Variants in DMD observed in about 807,000 individuals in gnomAD.
The protein encoded by DMD is mutant dystrophin.
A neutral mutation model predicts 330.1 loss-of-function variants in DMD; 63 were observed. The observed-to-expected ratio is 0.19, with a 90% CI of 0.16 to 0.24. The LOEUF (loss-of-function observed/expected upper bound fraction) is 0.24, where lower values mean the gene tolerates loss of function less well. Ranked by LOEUF, DMD falls within the 10% of genes least tolerant of loss-of-function variation. DMD has a pLI of 1.00. For synonymous variants in DMD, 1,223 were observed against 959.8 expected (o/e 1.27, Z -5.07); for missense variants, 3,344 against 2,684.1 (o/e 1.25, Z -5.43).
At chrX:32,013,050 T>G (rs2095724836) in intron 44 of DMD, among the ~76,000 whole-genome samples, 1 of 108,112 alleles carries the variant, frequency 9.2e-6, no homozygotes, top group Admixed American at 1.0e-4. Flanking sequence ...CATGAAGCCT[T>G]CCTTGATTTA....
rs755369412 is a variant in DMD at position 32,407,457 on chromosome X, A to C, written c.4233+4295T>G. Among the ~76,000 whole-genome samples, 229 of 111,627 alleles carry C rather than the reference A, an allele frequency of 2.1e-3. 1 individual carries two copies. The highest frequency in any genetic ancestry group is 8.2e-3 in the East Asian group (29 of 3,520). Reference sequence around the variant, plus strand: ...CACACCAGTTAGAATGGCGATCATTAAAAAGTCAGGAAACAACAGGTGCTG... The same window carrying C: ...CACACCAGTTAGAATGGCGATCATTCAAAAGTCAGGAAACAACAGGTGCTG... On this transcript the variant is annotated intron_variant, in intron 30 of 78. Coordinates refer to ENST00000357033, the MANE Select transcript of DMD (RefSeq NM_004006.3).
intron 54 of DMD, among the ~76,000 whole-genome samples, chrX:31,638,577 T>C (rs970586652): frequency 1.8e-5 from 2 of 112,676 alleles, no homozygotes; most frequent in African/African-American, 3.2e-5. Flanking sequence ...ACGAAAGACT[T>C]TGTCAAATGC....
chrX:32,370,781 G>A (rs1453601801), intron 34 of DMD, among the ~76,000 whole-genome samples: 1 of 111,245 alleles, frequency 9.0e-6, no homozygotes, highest in Non-Finnish European at 1.9e-5. Flanking sequence ...TAAGAGGAAT[G>A]ATGAGTTGAG....
chrX:31,341,887 G>A (rs751997100), intron 61 of DMD, among the ~76,000 whole-genome samples: 1,371 of 67,247 alleles, frequency 0.02, 27 homozygotes, highest in African/African-American at 0.076. Flanking sequence ...GTGCGTGCGC[G>A]CGCGCACACA....
Position 31,152,868 on chromosome X carries a change from T to TG in DMD, c.10554-5351dup, listed in dbSNP as rs920056595. ...TTCACTTTTTGATGTTTAACTTGGG[T>TG]GGGGGGTGCTATCCCATTTCTTCAT... is the stretch of plus-strand genomic sequence containing the variant. On this transcript the variant is annotated intron_variant, in intron 74 of 78. Coordinates refer to ENST00000357033, the MANE Select transcript of DMD (RefSeq NM_004006.3). Among the ~76,000 whole-genome samples the TG allele has an allele frequency of 5.9e-5, 6 of 102,044 alleles. 1 individual carries two copies. The highest frequency in any genetic ancestry group is 1.7e-4 in the African/African-American group (5 of 28,627). The allele number at this position is 102,044 out of a possible 115,157, so 88.6% of individuals were successfully genotyped here.
chrX:31,735,244 T>A (rs979960229), intron 51 of DMD, among the ~76,000 whole-genome samples: 2 of 111,876 alleles, frequency 1.8e-5, no homozygotes, highest in Admixed American at 9.5e-5. Context: ...AGAGTCAGAA[T>A]TGCATCTTGA....
chrX:31,485,627 G>C lies in DMD; in HGVS notation c.8548-6524C>G, dbSNP rs1249767729. ...GGTGAGATATTGATTTGCTTCATGA[G>C]AGGAACAAGAGGAGAACTCTGGGCA... On this transcript the variant is annotated intron_variant, in intron 57 of 78. Transcript: ENST00000357033. 1.1e-4 allele frequency among the ~76,000 whole-genome samples: 12 copies of C among 111,566 alleles called. 1 individual carries two copies.
chrX:31,895,192 A>G (rs1301756643), intron 47 of DMD, among the ~76,000 whole-genome samples: 3 of 111,765 alleles, frequency 2.7e-5, no homozygotes, highest in African/African-American at 9.7e-5. Flanking sequence ...AAGAATGGAG[A>G]GACAGGAGGC....
chrX:31,753,363 GGAAGTAATAAGTTTAAAAAAT>G (rs2088764357), intron 51 of DMD, among the ~76,000 whole-genome samples: 2 of 111,786 alleles, frequency 1.8e-5, no homozygotes. Context: ...GCAGGCAGAA[GGAAGTAATAAGTTTAAAAAAT>G]GAAGTGCTAT....
At chrX:31,840,732 T>C (rs1204569053) in intron 48 of DMD, among the ~76,000 whole-genome samples, 1 of 110,363 alleles carries the variant, frequency 9.1e-6, no homozygotes, top group Non-Finnish European at 1.9e-5. Flanking sequence ...GGGTAATCAG[T>C]AATCTTTGAT....
At chrX:32,299,303 A>T (rs1206957314) in intron 42 of DMD, among the ~76,000 whole-genome samples, 1 of 111,005 alleles carries the variant, frequency 9.0e-6, no homozygotes, top group African/African-American at 3.3e-5. Context: ...AAATCCATCC[A>T]TGATGACATA....
intron 21 of DMD, among the ~76,000 whole-genome samples, chrX:32,473,738 T>G (rs1244755282): frequency 8.9e-6 from 1 of 111,926 alleles, no homozygotes. Context: ...ATATTTAATC[T>G]GAGCACTTCT....
At chrX:33,108,868 G>GGAAAAAAAAAAAAAAAAAAAAAAAA (rs2095315156) in intron 1 of DMD, among the ~76,000 whole-genome samples, 1 of 24,230 alleles carries the variant, frequency 4.1e-5, no homozygotes, top group Non-Finnish European at 9.3e-5. Context: ...CTCCGTTTCG[G>GGAAAAAAAAAAAAAAAAAAAAAAAA]AAAAAAAAAA....
At chrX:32,920,603 T>A (rs776216370) in intron 2 of DMD, among the ~76,000 whole-genome samples, 1 of 111,814 alleles carries the variant, frequency 8.9e-6, no homozygotes, top group East Asian at 2.8e-4. Context: ...AAGTATACAA[T>A]TGAATTTTTG....
intron 2 of DMD, among the ~76,000 whole-genome samples, chrX:32,973,575 A>T (rs747451148): frequency 5.4e-5 from 6 of 112,049 alleles, no homozygotes; most frequent in African/African-American, 6.5e-5. Context: ...GCCAAACAAC[A>T]TAGCAAGTTC....
intron 43 of DMD, among the ~76,000 whole-genome samples, chrX:32,276,948 G>GA (rs200507433): frequency 1.9e-5 from 2 of 107,594 alleles, no homozygotes; most frequent in Admixed American, 1.0e-4. Context: ...AAGAAAGATA[G>GA]AAAAAAAAGA....
intron 9 of DMD, among the ~76,000 whole-genome samples, chrX:32,649,284 G>C (rs2146900486): frequency 9.0e-6 from 1 of 110,556 alleles, no homozygotes; most frequent in South Asian, 3.8e-4. Context: ...GCCGGGTGCG[G>C]TGGCTCAGAC....
rs2855702 is a variant in DMD, at chrX:32,744,907, G to A, written c.650-45614C>T. Among the ~76,000 whole-genome samples, 931 of 111,832 alleles carry A rather than the reference G, an allele frequency of 8.3e-3. 5 individuals carry two copies. The highest frequency in any genetic ancestry group is 0.014 in the South Asian group (37 of 2,666). On this transcript the variant is annotated intron_variant, in intron 7 of 78. Transcript: ENST00000357033. ...TATCTTCAGGGCAGTGATGCGGGGT[G>A]GGAGAGTTCTTAAAGGACTGTATTC...
At chrX:32,983,324 ACTT>A (rs757923228) in intron 2 of DMD, among the ~76,000 whole-genome samples, 6 of 111,232 alleles carry the variant, frequency 5.4e-5, no homozygotes, top group Admixed American at 9.6e-5. Context: ...TGCTTTGACT[ACTT>A]CTTCAGGCTT....
Sources: gnomAD v4.1 joint callset for allele counts (sites outside exome capture counted in the v4.1 genomes callset) on GRCh38, gnomAD v4.1.1 for gene constraint, MANE v1.5 for transcripts, NCBI Gene and HGNC (gene_info 2026-07-23, HGNC 2026-07-21) for gene names.